The following FAM234B variants were observed in gnomAD, a reference collection of about 807,000 sequenced individuals.
The protein encoded by FAM234B is family with sequence similarity 234 member B, also known as protein FAM234B.
FAM234B carries 33 observed loss-of-function variants against 69.3 expected under a neutral mutation model. The ratio of observed to expected loss-of-function variants is 0.48; its 90% CI spans 0.36 to 0.64. The LOEUF (loss-of-function observed/expected upper bound fraction) is 0.64, where lower values mean the gene tolerates loss of function less well. Ranked by LOEUF, FAM234B falls within the 30% of genes least tolerant of loss-of-function variation. The pLI is 0.00. For synonymous variants in FAM234B, 306 were observed against 306.9 expected, an observed-to-expected ratio of 1.00 and a Z score of 0.03; for missense variants, 697 against 769.7, an observed-to-expected ratio of 0.91 and a Z score of 1.12.
In FAM234B at chr12:13,061,757, A is replaced by G; in HGVS notation, c.715A>G (p.Thr239Ala). 1 of 1,613,740 alleles carries G rather than the reference A, an allele frequency of 6.2e-7. No homozygotes were observed. Among genetic ancestry groups the G allele is most frequent in the Non-Finnish European group, 8.5e-7 (1 of 1,179,882 alleles). ...CAAGATGCTCAGCGCATTCAATGCAACGTCAGGTAAATACCATTTACCACA... is the reference window on the plus strand; with the variant it reads ...CAAGATGCTCAGCGCATTCAATGCAGCGTCAGGTAAATACCATTTACCACA... Reference protein sequence around the residue: ...THKMLSAFNATSGKAIWTLNP... With the variant: ...THKMLSAFNAASGKAIWTLNP... Residue 239 changes from threonine (T) to alanine (A), a missense_variant, in exon 4 of 13, where the codon ACG (threonine) becomes GCG (alanine). Physicochemically the swap from Thr to Ala is moderately conservative, Grantham distance 58. Coordinates refer to ENST00000197268, the MANE Select transcript of FAM234B (RefSeq NM_020853.2).
intron 1 of FAM234B, among the ~76,000 whole-genome samples, chr12:13,046,208 CA>C (rs1864810258): frequency 1.0e-5 from 1 of 96,704 alleles, no homozygotes; most frequent in Non-Finnish European, 1.9e-5. Context: ...GGAAGCTAAG[CA>C]GGGTCGGGCC....
intron 3 of FAM234B, among the ~76,000 whole-genome samples, chr12:13,059,817 C>T (rs994675008): frequency 2.0e-5 from 3 of 152,112 alleles, no homozygotes; most frequent in South Asian, 2.1e-4. Context: ...TTTTCCTGCC[C>T]GTGACTTCTG....
chr12:13,066,077 C>T (rs1042375527), intron 5 of FAM234B, among the ~76,000 whole-genome samples: 2 of 152,154 alleles, frequency 1.3e-5, no homozygotes, highest in Non-Finnish European at 2.9e-5. Context: ...TTATTTATGA[C>T]TGCTTTCACA....
At chr12:13,054,093 A>T (rs940877980) in intron 1 of FAM234B, among the ~76,000 whole-genome samples, 5 of 152,214 alleles carry the variant, frequency 3.3e-5, no homozygotes, top group Non-Finnish European at 5.9e-5. Flanking sequence ...CACTGATTTC[A>T]TATTGTTCAA....
At chr12:13,047,039 T>G (rs1460456218) in intron 1 of FAM234B, among the ~76,000 whole-genome samples, 1 of 152,210 alleles carries the variant, frequency 6.6e-6, no homozygotes, top group Non-Finnish European at 1.5e-5. Flanking sequence ...AGTCAGTAAG[T>G]GTTAGCTGTT....
At chr12:13,078,334 A>G (rs1865184726) in intron 11 of FAM234B, among the ~76,000 whole-genome samples, 1 of 152,130 alleles carries the variant, frequency 6.6e-6, no homozygotes, top group Non-Finnish European at 1.5e-5. Context: ...TTAGACATGA[A>G]GTCCTTGCCC....
At chr12:13,050,219 C>T (rs555250053) in intron 1 of FAM234B, among the ~76,000 whole-genome samples, 1 of 152,120 alleles carries the variant, frequency 6.6e-6, no homozygotes, top group African/African-American at 2.4e-5. Context: ...GTTTGTCCTG[C>T]CTTGGATATT....
chr12:13,048,725 T>C (rs866480703), intron 1 of FAM234B, among the ~76,000 whole-genome samples: 1 of 152,368 alleles, frequency 6.6e-6, no homozygotes, highest in Middle Eastern at 3.4e-3. Context: ...TGTGGGCCAA[T>C]GTATTAGTCT....
chr12:13,073,799 T>C (rs367982296), intron 10 of FAM234B, among the ~76,000 whole-genome samples: 72 of 152,366 alleles, frequency 4.7e-4, no homozygotes, highest in African/African-American at 1.6e-3. Flanking sequence ...TGTTAATCAT[T>C]GGTTCTCTTC....
At position 13,068,404 on chromosome 12, in the gene FAM234B, A is replaced by G. The variant is rs1865064806; in HGVS notation, c.1243A>G (p.Asn415Asp). 6.2e-7 allele frequency: 1 copy of G among 1,614,190 alleles called. No homozygotes were observed. The highest frequency in any genetic ancestry group is 1.3e-5 in the African/African-American group (1 of 75,048). Residue 415 changes from asparagine (N) to aspartate (D), a missense_variant, in exon 8 of 13, where the codon AAT (asparagine) becomes GAT (aspartate). Asn to Asp is a conservative substitution (Grantham distance 23, BLOSUM62 1). Transcript: ENST00000197268. ...AAGCCTTGTGCTGCTTCGGGGGCAA[A>G]ATCTGACACCTTACTGGGCATTGAG... ...RQSLVLLRGQ[N>D]LTPYWALRLQ...
At chr12:13,071,780 G>A (rs1199567947) in intron 10 of FAM234B, among the ~76,000 whole-genome samples, 1 of 152,154 alleles carries the variant, frequency 6.6e-6, no homozygotes, top group Non-Finnish European at 1.5e-5. Context: ...GTAAGGCTGG[G>A]CTTTGAGGCA....
At chr12:13,053,166 T>C (rs7303584) in intron 1 of FAM234B, among the ~76,000 whole-genome samples, 36,319 of 152,140 alleles carry the variant, frequency 0.24, 5,287 homozygotes, top group East Asian at 0.53. Flanking sequence ...AAATGTATAG[T>C]TTTGAAAATA....
intron 7 of FAM234B, 63 bp from the exon 8 acceptor site, chr12:13,068,241 A>G: frequency 6.3e-7 from 1 of 1,593,968 alleles, no homozygotes; most frequent in African/African-American, 1.3e-5. Flanking sequence ...AAAAAGCCAA[A>G]GTAAATGGCT....
chr12:13,048,053 C>T (rs1356914043), intron 1 of FAM234B, among the ~76,000 whole-genome samples: 1 of 152,108 alleles, frequency 6.6e-6, no homozygotes, highest in Non-Finnish European at 1.5e-5. Flanking sequence ...TTATTCCTCT[C>T]AAAAGGCTGG....
intron 5 of FAM234B, among the ~76,000 whole-genome samples, chr12:13,064,979 G>A (rs1489896318): frequency 6.6e-6 from 1 of 152,150 alleles, no homozygotes; most frequent in Non-Finnish European, 1.5e-5. Context: ...AGACCATTTG[G>A]TTAACTTTCT....
Position 13,067,363 on chromosome 12 carries a change from A to G in FAM234B, c.1142+67A>G. ...TGAACTCACATGCCTTTGAGTCTCT[A>G]AGTTTGGTTGGGCTGGTGAATATGT... is the stretch of plus-strand genomic sequence containing the variant. On this transcript the variant is annotated intron_variant, in intron 7 of 12. Transcript: ENST00000197268. The surrounding 1 kb of genome is among the most constrained non-coding windows in gnomAD (Gnocchi z 4.7). The G allele has an allele frequency of 6.3e-7, 1 of 1,575,176 alleles. No homozygotes were observed. Among genetic ancestry groups the G allele is most frequent in the Non-Finnish European group, 8.7e-7 (1 of 1,148,166 alleles).
intron 12 of FAM234B, among the ~76,000 whole-genome samples, chr12:13,080,316 G>A (rs762765971): frequency 7.9e-5 from 12 of 152,146 alleles, no homozygotes; most frequent in Admixed American, 1.3e-4. Flanking sequence ...GTTGGGGCTA[G>A]TGATGCTAAC....
intron 10 of FAM234B, among the ~76,000 whole-genome samples, chr12:13,073,423 CA>C (rs1865129060): frequency 6.6e-6 from 1 of 152,246 alleles, no homozygotes; most frequent in Admixed American, 6.5e-5. Context: ...GTCTGGTCAA[CA>C]AGCAAAATGC....
At chr12:13,061,796 C>T in intron 4 of FAM234B, 33 bp downstream of exon 4, 2 of 1,583,710 alleles carry the variant, frequency 1.3e-6, no homozygotes, top group Non-Finnish European at 8.6e-7. Flanking sequence ...GAACTTTGCT[C>T]CTACGAGCCA....
Sources: allele counts gnomAD v4.1 joint callset (sites outside exome capture counted in the v4.1 genomes callset), GRCh38; gene constraint gnomAD v4.1.1; non-coding constraint Gnocchi (gnomAD v3.1); transcripts MANE v1.5; gene names NCBI Gene and HGNC (gene_info 2026-07-23, HGNC 2026-07-21).